SLIT2: variants seen among roughly 807,000 people sequenced by gnomAD.
SLIT2 encodes slit guidance ligand 2, also known as slit homolog 2 protein.
In SLIT2, 41 loss-of-function variants were observed where a neutral mutation model predicts 185.7. The observed-to-expected ratio is 0.22, with a 90% CI of 0.17 to 0.29. The LOEUF is 0.29. Among genes scored for constraint, SLIT2 ranks in the 10% least tolerant of loss-of-function variants. The pLI, the probability that SLIT2 is intolerant of heterozygous loss-of-function variation, is 1.00. For missense variants in SLIT2, 1,571 were observed against 1,909.0 expected (o/e 0.82, Z 3.30); for synonymous variants, 693 against 680.2 (o/e 1.02, Z -0.29).
At position 20,528,844 on chromosome 4, in the gene SLIT2, C is replaced by G; in HGVS notation, c.1463-105C>G. ...TTGACCAAAATACCCCAAGTTGTCT[C>G]CCTGCTACATAATCTATAGTTATCT... On this transcript the variant is annotated intron_variant, in intron 15 of 36. Transcript: ENST00000504154. This position sits in a 1 kb window ranked among gnomAD's most constrained non-coding sequence, Gnocchi z 4.2. 4.7e-6 allele frequency: 4 copies of G among 859,672 alleles called. No homozygotes were observed. Among genetic ancestry groups the G allele is most frequent in the Non-Finnish European group, 7.0e-6 (4 of 572,912 alleles). The allele number at this position is 859,672 out of a possible 1,614,324, so 53.3% of individuals were successfully genotyped here.
At chr4:20,463,448 G>GATAGATAGATAT (rs1459962322) in intron 4 of SLIT2, among the ~76,000 whole-genome samples, 4 of 67,322 alleles carry the variant, frequency 5.9e-5, no homozygotes, top group East Asian at 2.9e-4. Flanking sequence ...CTCAAACTGT[G>GATAGATAGATAT]ATATATATAT....
rs1340982246 is a variant in SLIT2, at chr4:20,565,844, G to GT, written c.2726-1412dup. On this transcript the variant is annotated intron_variant, in intron 26 of 36. Transcript: ENST00000504154. ...ATTTCTATGTGGATACATTTCAAGA[G>GT]TTTTTTAATCGATAGGAAAGCTAAA... Among the ~76,000 whole-genome samples the GT allele has an allele frequency of 2.0e-5, 3 of 152,132 alleles. No homozygotes were observed. In the South Asian group the frequency reaches 6.2e-4, roughly 32 times the overall value.
At chr4:20,324,865 A>G (rs1719424050) in intron 4 of SLIT2, among the ~76,000 whole-genome samples, 1 of 152,176 alleles carries the variant, frequency 6.6e-6, no homozygotes, top group African/African-American at 2.4e-5. Flanking sequence ...CCAAATGTGC[A>G]TCAGATTGGT....
At chr4:20,527,610 C>G (rs1439969244) in intron 15 of SLIT2, among the ~76,000 whole-genome samples, 1 of 152,106 alleles carries the variant, frequency 6.6e-6, no homozygotes, top group African/African-American at 2.4e-5. Context: ...TTAAAGGAAT[C>G]AAGAACTTAA....
intron 29 of SLIT2, among the ~76,000 whole-genome samples, chr4:20,572,673 A>G (rs1224236672): frequency 6.6e-6 from 1 of 152,124 alleles, no homozygotes; most frequent in Non-Finnish European, 1.5e-5. Flanking sequence ...GCTTTTGTAT[A>G]TTTCCCAACA....
rs532467989 is a variant in SLIT2 at position 20,272,470 on chromosome 4, A to C, written c.395+3589A>C. Among the ~76,000 whole-genome samples the C allele has an allele frequency of 2.6e-5, 4 of 152,200 alleles. No individual in the cohort carries two copies. In the South Asian group the frequency reaches 8.3e-4, roughly 32 times the overall value. ...TGAAACAGTTGATTATGATTGATTGAAATTTATGAGTACTAATACAAATCT... is the reference window on the plus strand; with the variant it reads ...TGAAACAGTTGATTATGATTGATTGCAATTTATGAGTACTAATACAAATCT... On this transcript the variant is annotated intron_variant, in intron 4 of 36. Transcript: ENST00000504154.
At chr4:20,454,885 A>G (rs1712892197) in intron 4 of SLIT2, among the ~76,000 whole-genome samples, 1 of 152,144 alleles carries the variant, frequency 6.6e-6, no homozygotes, top group South Asian at 2.1e-4. Context: ...AGCTGATGCA[A>G]TATTTCAACA....
chr4:20,598,548 A>T (rs1728159393), intron 33 of SLIT2, among the ~76,000 whole-genome samples, 153 bp downstream of exon 33: 1 of 152,174 alleles, frequency 6.6e-6, no homozygotes, highest in South Asian at 2.1e-4. Flanking sequence ...GCAGGAACAG[A>T]GGGCATACTC....
intron 3 of SLIT2, among the ~76,000 whole-genome samples, chr4:20,261,779 G>A (rs763519416): frequency 9.9e-5 from 15 of 151,832 alleles, no homozygotes; most frequent in Non-Finnish European, 2.1e-4. Context: ...ACTGTGAAAA[G>A]TCTTGGATAT....
intron 3 of SLIT2, among the ~76,000 whole-genome samples, chr4:20,260,379 A>T (rs773934082): frequency 1.8e-4 from 27 of 151,876 alleles, no homozygotes; most frequent in Non-Finnish European, 2.2e-4. Flanking sequence ...ATTATGAAAA[A>T]AGTATAAAAT....
chr4:20,595,922 T>C, intron 31 of SLIT2, 88 bp downstream of exon 31: 1 of 1,123,340 alleles, frequency 8.9e-7, no homozygotes, highest in Non-Finnish European at 1.3e-6. Context: ...ATCGTACATT[T>C]TAAAATAACT....
chr4:20,556,886 C>T lies in SLIT2; in HGVS notation c.2725+2918C>T, dbSNP rs58394102. ...TAAAAGTGTTATTCCAGCAAACAGA[C>T]CAATGATAAGAAAATGAAACAGCCT... On this transcript the variant is annotated intron_variant, in intron 26 of 36. Coordinates refer to ENST00000504154, the MANE Select transcript of SLIT2 (RefSeq NM_004787.4). Among the ~76,000 whole-genome samples the T allele has an allele frequency of 5.5e-3, 842 of 152,090 alleles. 19 individuals are homozygous for T. The highest frequency in any genetic ancestry group is 0.02 in the African/African-American group (814 of 41,436).
chr4:20,454,905 T>G (rs559294914), intron 4 of SLIT2, among the ~76,000 whole-genome samples: 3 of 152,228 alleles, frequency 2.0e-5, no homozygotes, highest in African/African-American at 4.8e-5. Flanking sequence ...ACCATTACAT[T>G]CTACCTTTTA....
intron 12 of SLIT2, among the ~76,000 whole-genome samples, chr4:20,523,132 C>G (rs898041145): frequency 6.6e-6 from 1 of 151,938 alleles, no homozygotes; most frequent in Admixed American, 6.5e-5. Context: ...ACATTTCAGA[C>G]AAAGAATAGG....
At chr4:20,343,911 C>T (rs944285276) in intron 4 of SLIT2, among the ~76,000 whole-genome samples, 1 of 151,650 alleles carries the variant, frequency 6.6e-6, no homozygotes, top group African/African-American at 2.4e-5. Context: ...AGTGCAGTGT[C>T]ATGATCTCAC....
chr4:20,516,199 A>T (rs1720197937), intron 11 of SLIT2, among the ~76,000 whole-genome samples: 2 of 152,234 alleles, frequency 1.3e-5, no homozygotes, highest in East Asian at 3.8e-4. Flanking sequence ...GCTGAAACTC[A>T]CAAGGGCTAA....
At chr4:20,430,987 T>C (rs1728930930) in intron 4 of SLIT2, among the ~76,000 whole-genome samples, 2 of 152,202 alleles carry the variant, frequency 1.3e-5, no homozygotes, top group African/African-American at 4.8e-5. Flanking sequence ...CTTAACAGAC[T>C]GTTTGGTTGC....
chr4:20,524,793 A>G (rs1467910938), intron 14 of SLIT2, among the ~76,000 whole-genome samples: 3 of 150,190 alleles, frequency 2.0e-5, no homozygotes, highest in African/African-American at 7.3e-5. Flanking sequence ...TTGATATTAA[A>G]TGAAAGGCTG....
chr4:20,290,403 C>CTGTT (rs1715681570), intron 4 of SLIT2, among the ~76,000 whole-genome samples: 1 of 152,146 alleles, frequency 6.6e-6, no homozygotes, highest in Admixed American at 6.5e-5. Flanking sequence ...ATAGCATTTA[C>CTGTT]ATTACATTAG....
Sources: gnomAD v4.1 joint callset for allele counts (sites outside exome capture counted in the v4.1 genomes callset) on GRCh38, gnomAD v4.1.1 for gene constraint, Gnocchi (gnomAD v3.1) non-coding constraint, MANE v1.5 for transcripts, NCBI Gene and HGNC (gene_info 2026-07-23, HGNC 2026-07-21) for gene names.